The following PCDHA12 variants were observed in gnomAD, a reference collection of about 807,000 sequenced individuals.
The protein encoded by PCDHA12 is protocadherin alpha-12.
PCDHA12 carries 44 observed loss-of-function variants against 60.0 expected under a neutral mutation model. That is an observed-to-expected ratio of 0.73 (90% CI 0.58 to 0.94). The LOEUF (loss-of-function observed/expected upper bound fraction) is 0.94, where lower values mean the gene tolerates loss of function less well. PCDHA12 is among the 40% of genes least tolerant of loss of function. PCDHA12 has a pLI of 0.00. For synonymous variants in PCDHA12, 569 were observed against 553.0 expected, an observed-to-expected ratio of 1.03 and a Z score of -0.40; for missense variants, 1,276 against 1,239.7, an observed-to-expected ratio of 1.03 and a Z score of -0.44.
chr5:140,966,183 C>T (rs1399845859), intron 1 of PCDHA12: 1 of 195,556 alleles, frequency 5.1e-6, no homozygotes, highest in African/African-American at 2.3e-5. Flanking sequence ...AGCTGATAGC[C>T]AGACTTCTAG....
At chr5:140,888,610 A>G (rs1180344966) in intron 1 of PCDHA12, among the ~76,000 whole-genome samples, 1 of 152,210 alleles carries the variant, frequency 6.6e-6, no homozygotes, top group African/African-American at 2.4e-5. Context: ...CTTTTAGTGT[A>G]GCACTAATTC....
At chr5:140,973,004 G>A (rs1183511655) in intron 1 of PCDHA12, among the ~76,000 whole-genome samples, 4 of 152,096 alleles carry the variant, frequency 2.6e-5, no homozygotes, top group African/African-American at 9.7e-5. Flanking sequence ...ATTTGTGGTC[G>A]TGGTGTTGTG....
Position 140,877,177 on chromosome 5 carries a change from C to A in PCDHA12, c.1705C>A (p.Pro569Thr), listed in dbSNP as rs1554169414. 1 of 1,613,802 alleles carries A rather than the reference C, an allele frequency of 6.2e-7. No homozygotes were observed. Residue 569 changes from proline to threonine, a missense_variant, in exon 1 of 4, where the codon CCG (proline) becomes ACG (threonine). Pro to Thr is a conservative substitution (Grantham distance 38). Transcript: ENST00000398631. ...CAACGCGCCGGCACTGCTGGCGACTCCGGCTGGCAGCGCAGGAGGCGCAGT... is the reference window on the plus strand; with the variant it reads ...CAACGCGCCGGCACTGCTGGCGACTACGGCTGGCAGCGCAGGAGGCGCAGT... ...NDNAPALLAT[P>T]AGSAGGAVSE...
chr5:140,950,809 A>G (rs1554219635), intron 1 of PCDHA12, among the ~76,000 whole-genome samples: 1 of 152,102 alleles, frequency 6.6e-6, no homozygotes, highest in African/African-American at 2.4e-5. Context: ...GTTTTACCAT[A>G]GTAGGGTTAA....
chr5:140,967,608 C>T, intron 1 of PCDHA12: 1 of 1,614,160 alleles, frequency 6.2e-7, no homozygotes, highest in Non-Finnish European at 8.5e-7. Flanking sequence ...AAGCTGAATG[C>T]CTCAGACCCG....
At chr5:140,965,291 C>T (rs1227369041) in intron 1 of PCDHA12, among the ~76,000 whole-genome samples, 1 of 152,154 alleles carries the variant, frequency 6.6e-6, no homozygotes, top group Non-Finnish European at 1.5e-5. Context: ...GGAAAGATTT[C>T]CTCTGATCCT....
chr5:140,928,539 T>G, intron 1 of PCDHA12: 1 of 1,614,222 alleles, frequency 6.2e-7, no homozygotes. Context: ...TAGATAGGAA[T>G]GACAATTATC....
In PCDHA12 at chr5:140,877,434, C is replaced by T; in HGVS notation, c.1962C>T (p.His654=). The T allele has an allele frequency of 6.2e-7, 1 of 1,613,804 alleles. No homozygotes were observed. The highest frequency in any genetic ancestry group is 1.1e-5 in the South Asian group (1 of 91,066). Residue 654 remains histidine, a synonymous_variant, in exon 1 of 4, where the codon CAC becomes CAT. Coordinates refer to ENST00000398631, the MANE Select transcript of PCDHA12 (RefSeq NM_018903.4). ...RHRLLVLVKD[H]GEPALTSTAT... is the part of the protein sequence containing the mutation. ...GCCTGCTGGTGCTGGTGAAGGACCA[C>T]GGTGAGCCCGCGCTGACGTCCACGG...
intron 1 of PCDHA12, among the ~76,000 whole-genome samples, chr5:140,941,773 T>G (rs2093165270): frequency 6.6e-6 from 1 of 152,262 alleles, no homozygotes; most frequent in South Asian, 2.1e-4. Context: ...GATAATTGTT[T>G]TAATGTTTTA....
Position 140,876,473 on chromosome 5 carries a change from G to C in PCDHA12, c.1001G>C (p.Ser334Thr). Residue 334 changes from serine (S) to threonine (T), a missense_variant, in exon 1 of 4, where the codon AGC becomes ACC. Ser to Thr is a moderately conservative substitution (Grantham distance 58). Transcript: ENST00000398631. ...GGGATTCCTTCCATGGCAGGTCACA[G>C]CATGGTCCTGGTGGAAGTTCTGGAC... is the stretch of plus-strand genomic sequence containing the variant. ...DKGIPSMAGH[S>T]MVLVEVLDVN... 4.3e-6 allele frequency: 7 copies of C among 1,614,038 alleles called. No individual in the cohort carries two copies. The highest frequency in any genetic ancestry group is 2.7e-5 in the African/African-American group (2 of 75,052).
intron 1 of PCDHA12, among the ~76,000 whole-genome samples, chr5:140,903,229 T>G (rs2153479721): frequency 6.6e-6 from 1 of 152,340 alleles, no homozygotes; most frequent in Non-Finnish European, 1.5e-5. Context: ...CATCTATTAC[T>G]TTTTGATTTT....
At position 140,968,456 on chromosome 5, in the gene PCDHA12, A is replaced by G. The variant is rs782476018; in HGVS notation, c.2368-10493A>G. ...GAGCCCACCACTGAGCAGCACTGTG[A>G]CTGCCAACGTATATGTGGTGGACAT... On this transcript the variant is annotated intron_variant, in intron 1 of 3. Transcript: ENST00000398631. 82 of 1,613,964 alleles carry G rather than the reference A, an allele frequency of 5.1e-5. No individual in the cohort carries two copies. Among genetic ancestry groups the G allele is most frequent in the Non-Finnish European group, 6.2e-5 (73 of 1,180,022 alleles).
chr5:140,967,361 C>G (rs1323729968), intron 1 of PCDHA12: 9 of 1,607,256 alleles, frequency 5.6e-6, no homozygotes, highest in African/African-American at 1.3e-5. Context: ...GGACCTTAAG[C>G]CCCTGCAGGA....
chr5:140,928,921 C>A (rs782289381), intron 1 of PCDHA12: 1 of 1,614,116 alleles, frequency 6.2e-7, no homozygotes, highest in Non-Finnish European at 8.5e-7. Flanking sequence ...AGGAGGGCAG[C>A]TTTCTGCCCA....
intron 1 of PCDHA12, among the ~76,000 whole-genome samples, chr5:140,913,435 C>T (rs2153526525): frequency 6.6e-6 from 1 of 152,202 alleles, no homozygotes; most frequent in South Asian, 2.1e-4. Context: ...GTAATGCCTC[C>T]TTTTTCAGCT....
chr5:140,985,716 A>G (rs960879186), intron 3 of PCDHA12, among the ~76,000 whole-genome samples: 7 of 113,758 alleles, frequency 6.2e-5, no homozygotes, highest in Admixed American at 2.6e-4. Flanking sequence ...TCTTAAAGTT[A>G]TTTTTCCTTC....
chr5:141,010,438 CA>C lies in PCDHA12; in HGVS notation c.*504del. ...TACAAGGAAGGCAAGAAAACAAAGA[CA>C]AATAAACAGCGGAAGTTATCAGTAT... On this transcript the variant is annotated 3_prime_UTR_variant, in exon 4 of 4. Transcript: ENST00000398631. 1.0e-6 allele frequency: 1 copy of C among 998,926 alleles called. No individual in the cohort carries two copies. The highest frequency in any genetic ancestry group is 1.4e-6 in the Non-Finnish European group (1 of 704,790). The allele number at this position is 998,926 out of a possible 1,614,324, so 61.9% of individuals were successfully genotyped here.
At chr5:140,929,395 C>G (rs1317256449) in intron 1 of PCDHA12, 8 of 1,510,412 alleles carry the variant, frequency 5.3e-6, no homozygotes, top group Non-Finnish European at 5.3e-6. Flanking sequence ...TGAAATATTT[C>G]TTAGACAAGC....
intron 1 of PCDHA12, among the ~76,000 whole-genome samples, chr5:140,947,749 T>TC (rs1316656181): frequency 6.6e-6 from 1 of 151,628 alleles, no homozygotes; most frequent in Non-Finnish European, 1.5e-5. Flanking sequence ...TCTTATGTAT[T>TC]TTATGGTTTA....
Sources: gnomAD v4.1 joint callset for allele counts (sites outside exome capture counted in the v4.1 genomes callset) on GRCh38, gnomAD v4.1.1 for gene constraint, MANE v1.5 for transcripts, NCBI Gene and HGNC (gene_info 2026-07-23, HGNC 2026-07-21) for gene names.